The following ATAD2B variants were observed in gnomAD, a reference collection of about 807,000 sequenced individuals.
The protein encoded by ATAD2B is ATPase family AAA domain-containing protein 2B.
Under a neutral mutation model 167.6 loss-of-function variants are expected in ATAD2B, and 40 were observed. The ratio of observed to expected loss-of-function variants is 0.24; its 90% CI spans 0.19 to 0.31. ATAD2B has a LOEUF of 0.31. Ranked by LOEUF, ATAD2B falls within the 10% of genes least tolerant of loss-of-function variation. ATAD2B has a pLI of 1.00. For synonymous variants in ATAD2B, 579 were observed against 596.5 expected (o/e 0.97, Z 0.43); for missense variants, 1,242 against 1,757.2 (o/e 0.71, Z 5.24).
At chr2:23,767,696 G>A (rs921793778) in intron 22 of ATAD2B, among the ~76,000 whole-genome samples, 18 of 152,182 alleles carry the variant, frequency 1.2e-4, no homozygotes, top group African/African-American at 3.6e-4. Context: ...TTATTTTAGT[G>A]AGAGAGGATG....
intron 1 of ATAD2B, among the ~76,000 whole-genome samples, chr2:23,918,654 G>T (rs1009028310): frequency 1.3e-5 from 2 of 152,038 alleles, no homozygotes; most frequent in Non-Finnish European, 2.9e-5. Flanking sequence ...TTCCAGATAG[G>T]CAGGTAAAAG....
chr2:23,821,858 T>C (rs1687496308), intron 16 of ATAD2B, among the ~76,000 whole-genome samples: 1 of 152,222 alleles, frequency 6.6e-6, no homozygotes, highest in Admixed American at 6.5e-5. Flanking sequence ...TTCACCATGT[T>C]GGCCAGGCTG....
rs1675375827 is a variant in ATAD2B at position 23,751,740 on chromosome 2, G to C, written c.*306C>G. The C allele has an allele frequency of 2.6e-6, 1 of 378,930 alleles. No individual in the cohort carries two copies. The highest frequency in any genetic ancestry group is 4.7e-6 in the Non-Finnish European group (1 of 210,622). 23.5% of individuals were successfully genotyped at this position (378,930 alleles called of 1,614,324 possible). A position where few individuals can be genotyped will look rare whatever the true frequency, so the allele number is the denominator to read the frequency against. On this transcript the variant is annotated 3_prime_UTR_variant, in exon 28 of 28. Transcript: ENST00000238789. ...CCCTAAGAGAGGAGTCTCCAAAAGAGAGTGCACAAAAAGAGGAGCAGAAGC... is the reference window on the plus strand; with the variant it reads ...CCCTAAGAGAGGAGTCTCCAAAAGACAGTGCACAAAAAGAGGAGCAGAAGC...
At chr2:23,700,235 CT>C in the ATAD2B span, among the ~76,000 whole-genome samples, 1 of 152,322 alleles carries the variant, frequency 6.6e-6, no homozygotes, top group South Asian at 2.1e-4. This position sits in a 1 kb window ranked among gnomAD's most constrained non-coding sequence, Gnocchi z 4.6. Flanking sequence ...GACCTGTTTT[CT>C]GCTGGCTCGT....
Position 23,762,202 on chromosome 2 carries a change from T to C in ATAD2B, c.3394+7A>G. 6.2e-7 allele frequency: 1 copy of C among 1,613,164 alleles called. No individual in the cohort carries two copies. Among genetic ancestry groups the C allele is most frequent in the South Asian group, 1.1e-5 (1 of 90,974 alleles). ...CACTACTGGATAACATGAGCTGAAA[T>C]ACTCACATGCACATTTATTTGCAGA... On this transcript the variant is annotated splice_region_variant and intron_variant, in intron 24 of 27. Transcript: ENST00000238789.
chr2:23,802,486 T>C (rs574396822), intron 18 of ATAD2B, among the ~76,000 whole-genome samples: 47 of 152,192 alleles, frequency 3.1e-4, no homozygotes, highest in African/African-American at 1.1e-3. Context: ...CCTGTACTAG[T>C]TTCTGAACTA....
intron 22 of ATAD2B, among the ~76,000 whole-genome samples, chr2:23,770,394 T>C (rs557421645): frequency 3.9e-5 from 6 of 152,324 alleles, no homozygotes; most frequent in South Asian, 4.1e-4. Flanking sequence ...ATTTGTCTTC[T>C]GTATATCTTA....
chr2:23,738,188 A>C, the ATAD2B span, among the ~76,000 whole-genome samples: 2 of 152,348 alleles, frequency 1.3e-5, no homozygotes, highest in South Asian at 4.1e-4. Context: ...AGATTCAGGA[A>C]ATACAGAGAA....
the ATAD2B span, among the ~76,000 whole-genome samples, chr2:23,678,783 C>T: frequency 2.6e-5 from 4 of 152,152 alleles, no homozygotes; most frequent in Non-Finnish European, 5.9e-5. Context: ...ACCTTAAGGA[C>T]ATTATGCTAG....
At chr2:23,735,875 G>A in the ATAD2B span, among the ~76,000 whole-genome samples, 6 of 152,296 alleles carry the variant, frequency 3.9e-5, no homozygotes, top group Admixed American at 1.3e-4. Flanking sequence ...AGGAGGAGGG[G>A]ACCATCTGTG....
the ATAD2B span, among the ~76,000 whole-genome samples, chr2:23,700,761 G>A: frequency 6.6e-6 from 1 of 152,134 alleles, no homozygotes; most frequent in Non-Finnish European, 1.5e-5. This position sits in a 1 kb window ranked among gnomAD's most constrained non-coding sequence, Gnocchi z 4.6. Flanking sequence ...TCTTGTTCCG[G>A]TTGAAGTGCC....
At position 23,757,710 on chromosome 2, in the gene ATAD2B, G is replaced by A. The variant is rs1676113866; in HGVS notation, c.3786C>T (p.Phe1262=). The A allele has an allele frequency of 2.5e-6, 4 of 1,612,044 alleles. No individual in the cohort carries two copies. In the East Asian group the frequency reaches 6.7e-5, roughly 27 times the overall value. The change falls in exon 25 of 28, where the codon TTC becomes TTT. Residue 1262 remains phenylalanine, a synonymous_variant. Transcript: ENST00000238789. The part of the protein sequence containing the change: ...NPEQTSRKET[F]LKGNCLNGEA... ...CACCATTTAGACAATTTCCTTTAAG[G>A]AAAGTCTCTTTCCTGGAGGTCTGCT...
chr2:23,910,651 T>TGAGGTCA (rs60468584), intron 1 of ATAD2B, among the ~76,000 whole-genome samples: 17,934 of 150,466 alleles, frequency 0.12, 1,162 homozygotes, highest in Middle Eastern at 0.2. Context: ...GTGGATCACC[T>TGAGGTCA]GAGGTCAGAA....
chr2:23,838,981 T>A lies in ATAD2B; in HGVS notation c.1569-4903A>T, dbSNP rs1424846080. Among the ~76,000 whole-genome samples, 4 of 152,186 alleles carry A rather than the reference T, an allele frequency of 2.6e-5. No homozygotes were observed. In the East Asian group the frequency reaches 5.8e-4, roughly 22 times the overall value. ...AATGTTTGCCAGTCAAGTTTTAATA[T>A]TTTCTGCATAAATGTAACATGAGAC... On this transcript the variant is annotated intron_variant, in intron 13 of 27. Transcript: ENST00000238789.
chr2:23,686,264 A>G, the ATAD2B span, among the ~76,000 whole-genome samples: 72 of 150,308 alleles, frequency 4.8e-4, no homozygotes, highest in African/African-American at 1.7e-3. Context: ...TGGGGAGGGG[A>G]CGCCCACCTG....
chr2:23,845,319 T>C (rs1691586428), intron 13 of ATAD2B, among the ~76,000 whole-genome samples: 1 of 152,136 alleles, frequency 6.6e-6, no homozygotes, highest in Non-Finnish European at 1.5e-5. Context: ...TAAATGTCCG[T>C]CCAGTGTGTT....
intron 1 of ATAD2B, among the ~76,000 whole-genome samples, chr2:23,922,269 G>A (rs1450568078): frequency 2.6e-5 from 4 of 152,176 alleles, no homozygotes; most frequent in Non-Finnish European, 5.9e-5. Flanking sequence ...TGTGAATACA[G>A]TATTAGATTG....
chr2:23,876,604 T>A (rs1573190023), intron 7 of ATAD2B, among the ~76,000 whole-genome samples: 2 of 152,170 alleles, frequency 1.3e-5, no homozygotes, highest in East Asian at 3.9e-4. Flanking sequence ...CCGGCCCCTG[T>A]TAACTTTTTA....
chr2:23,688,746 C>A, the ATAD2B span: 1 of 152,434 alleles, frequency 6.6e-6, no homozygotes, highest in Non-Finnish European at 1.5e-5. Context: ...TGCTGCCCGT[C>A]TGCCCTGCTG....
Sources: allele counts gnomAD v4.1 joint callset (sites outside exome capture counted in the v4.1 genomes callset), GRCh38; gene constraint gnomAD v4.1.1; non-coding constraint Gnocchi (gnomAD v3.1); transcripts MANE v1.5; gene names NCBI Gene and HGNC (gene_info 2026-07-23, HGNC 2026-07-21).